The following C3 variants were observed in gnomAD, a reference collection of about 807,000 sequenced individuals.
C3 encodes the protein C3 and PZP-like alpha-2-macroglobulin domain-containing protein 1.
A neutral mutation model predicts 207.9 loss-of-function variants in C3; 97 were observed. That is an observed-to-expected ratio of 0.47 (90% confidence interval 0.40 to 0.55). The LOEUF is 0.55. C3 is among the 20% of genes least tolerant of loss of function. The pLI, the probability that C3 is intolerant of heterozygous loss-of-function variation, is 0.00. For synonymous variants in C3, 848 were observed against 857.6 expected, an observed-to-expected ratio of 0.99 and a Z score of 0.20; for missense variants, 1,684 against 2,171.7, an observed-to-expected ratio of 0.78 and a Z score of 4.46.
At chr19:6,715,621 TTTTTTTG>T (rs942617367) in intron 4 of C3, among the ~76,000 whole-genome samples, 9 of 70,032 alleles carry the variant, frequency 1.3e-4, no homozygotes, top group Admixed American at 3.9e-4. Flanking sequence ...TTTTTTTTGT[TTTTTTTG>T]TTTTTTTTTT....
At chr19:6,704,942 C>T (rs1204336281) in intron 17 of C3, among the ~76,000 whole-genome samples, 12 of 152,064 alleles carry the variant, frequency 7.9e-5, no homozygotes, top group African/African-American at 2.9e-4. Flanking sequence ...TCTCACTACG[C>T]TGCCCAGACT....
At chr19:6,683,495 G>C (rs1326469657) in intron 33 of C3, 1 of 116,248 alleles carries the variant, frequency 8.6e-6, no homozygotes, top group Non-Finnish European at 1.6e-5. Context: ...CTTTCGCCCA[G>C]GCTGGAGTGC....
At position 6,681,867 on chromosome 19, in the gene C3, G is replaced by C. The variant is rs1171436222; in HGVS notation, c.4350+74C>G. 1.8e-5 allele frequency: 20 copies of C among 1,111,204 alleles called. No homozygotes were observed. In the Admixed American group the frequency reaches 3.4e-4, roughly 19 times the overall value. 68.8% of individuals were successfully genotyped at this position (1,111,204 alleles called of 1,614,324 possible). A position where few individuals can be genotyped will look rare whatever the true frequency, so the allele number is the denominator to read the frequency against. The stretch of plus-strand genomic sequence containing the variant: ...TCTGACCCAGAGACAAAAGCTGAAA[G>C]GAAAAGAAAGACCAGCCAGATAGAG... On this transcript the variant is annotated intron_variant, in intron 35 of 40. Transcript: ENST00000245907.
At chr19:6,703,183 G>A (rs1238780650) in intron 17 of C3, among the ~76,000 whole-genome samples, 1 of 152,168 alleles carries the variant, frequency 6.6e-6, no homozygotes, top group South Asian at 2.1e-4. Context: ...ACGAGCCCCA[G>A]ACACATCTGC....
chr19:6,685,977 A>G, intron 29 of C3, 147 bp downstream of exon 29: 1 of 852,554 alleles, frequency 1.2e-6, no homozygotes, highest in Non-Finnish European at 2.0e-6. Context: ...TGCAAGTAAT[A>G]AAAACTGATT....
intron 35 of C3, 63 bp from the exon 36 acceptor site, chr19:6,680,326 G>T: frequency 1.1e-6 from 1 of 872,906 alleles, no homozygotes; most frequent in Non-Finnish European, 2.0e-6. Flanking sequence ...CATTGTCTTG[G>T]GAGCTGAGGC....
At chr19:6,686,411 G>A in intron 28 of C3, 124 bp from the exon 29 acceptor site, 3 of 1,052,468 alleles carry the variant, frequency 2.9e-6, no homozygotes, top group South Asian at 2.5e-5. Flanking sequence ...GCTGACATTC[G>A]AGGCTCTCAA....
intron 12 of C3, 23 bp from the exon 13 acceptor site, chr19:6,710,868 G>A (rs1228424481): frequency 6.2e-7 from 1 of 1,610,926 alleles, no homozygotes; most frequent in Admixed American, 1.7e-5. Flanking sequence ...GCTGGCATCA[G>A]GCTGGGGAGG....
At chr19:6,717,785 GTGTGT>G (rs549177952) in intron 4 of C3, 358 of 527,538 alleles carry the variant, frequency 6.8e-4, no homozygotes, top group African/African-American at 6.2e-3. Context: ...GTATTGTGTT[GTGTGT>G]TGTGTTGTGT....
chr19:6,706,795 C>T (rs1395412387), intron 17 of C3, among the ~76,000 whole-genome samples: 1 of 149,310 alleles, frequency 6.7e-6, no homozygotes, highest in Non-Finnish European at 1.5e-5. Context: ...GAGGCCTCCT[C>T]CCTCCTCAGA....
chr19:6,694,806 CG>C (rs1432290596), intron 23 of C3, among the ~76,000 whole-genome samples, 172 bp from the exon 24 acceptor site: 3 of 152,084 alleles, frequency 2.0e-5, no homozygotes, highest in Non-Finnish European at 1.5e-5. Flanking sequence ...AGTGGCTGTT[CG>C]GGGGTCTGCA....
chr19:6,694,751 G>C (rs1967496099), intron 23 of C3, 117 bp from the exon 24 acceptor site: 1 of 860,922 alleles, frequency 1.2e-6, no homozygotes, highest in Non-Finnish European at 1.8e-6. Context: ...GGACAGGCGA[G>C]GACTGGGGAG....
Position 6,690,863 on chromosome 19 carries a change from A to G in C3, c.3391-136T>C, listed in dbSNP as rs184457095. On this transcript the variant is annotated intron_variant, in intron 26 of 40. Transcript: ENST00000245907. Reference sequence around the variant, plus strand: ...CTAGGTGTTACCCCGCTACCCTAGGAAGGTCAAACTTCTTAGTATTAATTC... The same window carrying G: ...CTAGGTGTTACCCCGCTACCCTAGGGAGGTCAAACTTCTTAGTATTAATTC... The G allele has an allele frequency of 2.9e-5, 21 of 714,614 alleles. No homozygotes were observed. In the African/African-American group the frequency reaches 3.3e-4, roughly 11 times the overall value. The allele number at this position is 714,614 out of a possible 1,614,324, so 44.3% of individuals were successfully genotyped here. A position where few individuals can be genotyped will look rare whatever the true frequency, so the allele number is the denominator to read the frequency against.
At chr19:6,713,737 C>T in intron 7 of C3, 1 of 393,802 alleles carries the variant, frequency 2.5e-6, no homozygotes, top group South Asian at 2.1e-5. Context: ...CACCCCCAGC[C>T]CCCCACCTTC....
chr19:6,718,784 A>G (rs1599528998), intron 2 of C3, among the ~76,000 whole-genome samples: 1 of 127,694 alleles, frequency 7.8e-6, no homozygotes, highest in Non-Finnish European at 1.6e-5. Context: ...TTCGAGGGGG[A>G]GGGGCTTGGA....
At position 6,697,470 on chromosome 19, in the gene C3, G is replaced by A. The variant is rs137956083; in HGVS notation, c.2670C>T (p.Pro890=). 3.7e-6 allele frequency: 6 copies of A among 1,613,578 alleles called. No homozygotes were observed. Among genetic ancestry groups the A allele is most frequent in the Admixed American group, 1.7e-5 (1 of 59,950 alleles). Residue 890 remains proline (P), a synonymous_variant, in exon 21 of 41, where the codon CCC becomes CCT. Coordinates refer to ENST00000245907, the MANE Select transcript of C3 (RefSeq NM_000064.4). The stretch of plus-strand genomic sequence containing the variant: ...CATATGGAACGGACAACGAGGACTT[G>A]GGGGGGATGGTTACGGTCTGCTGGT... ...RRHQQTVTIP[P]KSSLSVPYVI...
chr19:6,718,374 G>GC lies in C3; in HGVS notation c.305dup (p.Asn103GlnfsTer66), dbSNP rs773140441. ...TGGCCTGCACGGTCACGAACTTGTT[G>GC]CGCCCCTTTTCTGACTTGAACTCCC... On this transcript the variant is annotated frameshift_variant, in exon 3 of 41. Coordinates refer to ENST00000245907, the MANE Select transcript of C3 (RefSeq NM_000064.4). LOFTEE classifies it high-confidence loss of function. 1 of 1,614,214 alleles carries GC rather than the reference G, an allele frequency of 6.2e-7. No homozygotes were observed. Among genetic ancestry groups the GC allele is most frequent in the Admixed American group, 1.7e-5 (1 of 60,026 alleles).
rs747427373 is a variant in C3, at chr19:6,710,710, C to G, written c.1615G>C (p.Gly539Arg). Residue 539 changes from glycine to arginine, a missense_variant, in exon 13 of 41, where the codon GGT becomes CGT. This residue lies in a region of C3 where 1,280 missense variants were observed against 1,739.1 expected (regional missense o/e 0.74). Coordinates refer to ENST00000245907, the MANE Select transcript of C3 (RefSeq NM_000064.4). ...FRLVAYYTLI[G>R]ASGQREVVAD... ...ACCACCTCCCTCTGGCCGCTGGCAC[C>G]GATCAGCGTGTAGTACGCCACCAGG... 8.7e-6 allele frequency: 14 copies of G among 1,613,730 alleles called. No individual in the cohort carries two copies. The highest frequency in any genetic ancestry group is 1.0e-5 in the Non-Finnish European group (12 of 1,179,994).
Position 6,694,489 on chromosome 19 carries a change from C to G in C3, c.3096G>C (p.Glu1032Asp), listed in dbSNP as rs148698696. 6.8e-6 allele frequency: 11 copies of G among 1,614,042 alleles called. No individual in the cohort carries two copies. In the African/African-American group the frequency reaches 1.5e-4, roughly 22 times the overall value. Residue 1032 changes from glutamate to aspartate, a missense_variant, in exon 24 of 41, where the codon GAG becomes GAC. Transcript: ENST00000245907. ...VIAVHYLDET[E>D]QWEKFGLEKR... ...TCTCTAGGCCGAACTTCTCCCACTGCTCCGTTTCATCCAGGTAATGCACAG... is the reference window on the plus strand; with the variant it reads ...TCTCTAGGCCGAACTTCTCCCACTGGTCCGTTTCATCCAGGTAATGCACAG...
Sources: allele counts gnomAD v4.1 joint callset (sites outside exome capture counted in the v4.1 genomes callset), GRCh38; gene constraint gnomAD v4.1.1; regional missense constraint gnomAD v4.1.1; transcripts MANE v1.5; gene names NCBI Gene and HGNC (gene_info 2026-07-23, HGNC 2026-07-21).